The following THSD7A variants were observed in gnomAD, a reference collection of about 807,000 sequenced individuals.
The protein encoded by THSD7A is thrombospondin type 1 domain containing 7A, also known as thrombospondin type-1 domain-containing protein 7A.
In THSD7A, 96 loss-of-function variants were observed where a neutral mutation model predicts 231.3. The ratio of observed to expected loss-of-function variants is 0.41; its 90% CI spans 0.35 to 0.49. The LOEUF (loss-of-function observed/expected upper bound fraction) is 0.49. Among genes scored for constraint, THSD7A ranks in the 20% least tolerant of loss-of-function variants. THSD7A has a pLI of 0.05. For synonymous variants in THSD7A, 940 were observed against 743.3 expected (o/e 1.26, Z -4.30); for missense variants, 2,290 against 2,070.2 (o/e 1.11, Z -2.06).
At position 11,428,961 on chromosome 7, in the gene THSD7A, C is replaced by T. The variant is rs756022678; in HGVS notation, c.3229G>A (p.Asp1077Asn). 1.2e-6 allele frequency: 2 copies of T among 1,607,134 alleles called. No homozygotes were observed. Among genetic ancestry groups the T allele is most frequent in the Admixed American group, 1.7e-5 (1 of 58,724 alleles). Residue 1077 changes from aspartate (D) to asparagine (N), a missense_variant, in exon 14 of 28, where the codon GAC becomes AAC. By Grantham distance (23) the Asp-to-Asn change is conservative. Transcript: ENST00000423059. ...ATAGAAAATACCTGGTTGACATGGT[C>T]CAGTTTGGGGCAAGGCCTTCCTCCA... Reference protein sequence around the residue: ...YNGGRPCPKLDHVNQAQVYEV... With the variant: ...YNGGRPCPKLNHVNQAQVYEV...
intron 1 of THSD7A, among the ~76,000 whole-genome samples, chr7:11,665,919 C>G (rs1161900946): frequency 6.6e-6 from 1 of 152,046 alleles, no homozygotes; most frequent in Non-Finnish European, 1.5e-5. Flanking sequence ...CTACAGAGTC[C>G]TCCCCTGCTC....
rs59121982 is a variant in THSD7A at position 11,512,942 on chromosome 7, G to GATATATAT, written c.1822+28469_1822+28476dup. Among the ~76,000 whole-genome samples the GATATATAT allele has an allele frequency of 3.1e-3, 320 of 101,980 alleles. 29 individuals are homozygous for GATATATAT. Among genetic ancestry groups the GATATATAT allele is most frequent in the African/African-American group, 7.0e-3 (152 of 21,628 alleles). 66.9% of individuals were successfully genotyped at this position (101,980 alleles called of 152,430 possible). A position where few individuals can be genotyped will look rare whatever the true frequency, so the allele number is the denominator to read the frequency against. On this transcript the variant is annotated intron_variant, in intron 6 of 27. Transcript: ENST00000423059. ...TAAAGTATAATAAAAAAGAAACTAT[G>GATATATAT]ATATATATATATATATATGTAAAAT...
intron 4 of THSD7A, among the ~76,000 whole-genome samples, chr7:11,589,605 G>C (rs947254733): frequency 6.6e-5 from 10 of 152,084 alleles, no homozygotes; most frequent in Admixed American, 4.6e-4. Context: ...ATCTGTATTG[G>C]TATTTCTATC....
chr7:11,390,346 T>C (rs1364341544), intron 23 of THSD7A, among the ~76,000 whole-genome samples: 1 of 152,262 alleles, frequency 6.6e-6, no homozygotes, highest in Non-Finnish European at 1.5e-5. Flanking sequence ...CTTTATTTCA[T>C]TAAGTTGATC....
intron 19 of THSD7A, 87 bp from the exon 20 acceptor site, chr7:11,407,510 G>C (rs1380163090): frequency 9.6e-6 from 9 of 939,694 alleles, no homozygotes; most frequent in Non-Finnish European, 1.1e-5. Flanking sequence ...AGAGAAGGAG[G>C]GAGAAAAAGC....
chr7:11,485,313 AGGCAGGT>A lies in THSD7A; in HGVS notation c.1823-3338_1823-3332del, dbSNP rs1388199406. Among the ~76,000 whole-genome samples, 6 of 152,292 alleles carry A rather than the reference AGGCAGGT, an allele frequency of 3.9e-5. No homozygotes were observed. The South Asian group carries it at 1.2e-3, about 32-fold the overall frequency. On this transcript the variant is annotated intron_variant, in intron 6 of 27. Coordinates refer to ENST00000423059, the MANE Select transcript of THSD7A (RefSeq NM_015204.3). ...GATTAGAACCAGATTGTCTCTTGAC[AGGCAGGT>A]ATGTAAAACAAATTCATCTGGACTT... is the stretch of plus-strand genomic sequence containing the variant.
intron 6 of THSD7A, among the ~76,000 whole-genome samples, chr7:11,498,891 G>A (rs543756057): frequency 3.2e-4 from 49 of 152,114 alleles, no homozygotes; most frequent in Non-Finnish European, 5.9e-4. Context: ...CAGCCCTATG[G>A]AAAAGTGGCC....
intron 6 of THSD7A, among the ~76,000 whole-genome samples, chr7:11,539,972 T>C (rs1186675941): frequency 6.6e-6 from 1 of 152,180 alleles, no homozygotes; most frequent in Non-Finnish European, 1.5e-5. Flanking sequence ...CCTGACTGTT[T>C]TTACAGCAAT....
intron 1 of THSD7A, among the ~76,000 whole-genome samples, chr7:11,818,552 A>G (rs1213178112): frequency 6.6e-6 from 1 of 152,210 alleles, no homozygotes; most frequent in Non-Finnish European, 1.5e-5. Context: ...GCTTCAGCAC[A>G]GTGGACCTTC....
intron 6 of THSD7A, chr7:11,520,277 T>C (rs1268490644): frequency 6.6e-6 from 1 of 152,208 alleles, no homozygotes; most frequent in Admixed American, 6.5e-5. Context: ...GCTAGTTCTT[T>C]GTCTGCAAAA....
intron 8 of THSD7A, among the ~76,000 whole-genome samples, chr7:11,471,351 A>T (rs904400520): frequency 6.6e-6 from 1 of 152,020 alleles, no homozygotes; most frequent in African/African-American, 2.4e-5. Flanking sequence ...TTGTAGCTCA[A>T]GTTTGTCTTT....
intron 1 of THSD7A, among the ~76,000 whole-genome samples, chr7:11,813,200 G>A (rs1474120959): frequency 2.0e-5 from 3 of 151,992 alleles, no homozygotes; most frequent in South Asian, 2.1e-4. Flanking sequence ...TTCACTATGC[G>A]ATCAGATTAA....
rs148671485 is a variant in THSD7A, at chr7:11,679,420, C to A, written c.191-42459G>T. The stretch of plus-strand genomic sequence containing the variant: ...TCGGAAGTCAAATTATCTCTGTTTT[C>A]AGATGACTTGATTGGATATTTAGAA... On this transcript the variant is annotated intron_variant, in intron 1 of 27. Coordinates refer to ENST00000423059, the MANE Select transcript of THSD7A (RefSeq NM_015204.3). Among the ~76,000 whole-genome samples the A allele has an allele frequency of 2.7e-3, 416 of 152,260 alleles. 5 individuals carry two copies. Among genetic ancestry groups the A allele is most frequent in the East Asian group, 0.015 (77 of 5,176 alleles).
At chr7:11,379,032 T>A in intron 26 of THSD7A, 38 bp downstream of exon 26, 1 of 1,602,626 alleles carries the variant, frequency 6.2e-7, no homozygotes, top group South Asian at 1.1e-5. Flanking sequence ...CTAAAAGAAC[T>A]AAAGGTTTCT....
At chr7:11,585,179 T>C (rs1363542662) in intron 4 of THSD7A, among the ~76,000 whole-genome samples, 1 of 152,214 alleles carries the variant, frequency 6.6e-6, no homozygotes, top group Non-Finnish European at 1.5e-5. Flanking sequence ...TTACATTACC[T>C]CTGGGTAGAC....
intron 1 of THSD7A, among the ~76,000 whole-genome samples, chr7:11,800,384 A>G (rs1784242314): frequency 6.6e-6 from 1 of 152,088 alleles, no homozygotes; most frequent in African/African-American, 2.4e-5. Flanking sequence ...CCCTGTCTCC[A>G]CTAAAAATAC....
At chr7:11,511,765 C>T (rs1787819252) in intron 6 of THSD7A, among the ~76,000 whole-genome samples, 1 of 152,182 alleles carries the variant, frequency 6.6e-6, no homozygotes. Flanking sequence ...CTTCCTTAAA[C>T]CTTATACAAA....
At chr7:11,530,086 A>G (rs1006970084) in intron 6 of THSD7A, among the ~76,000 whole-genome samples, 3 of 152,200 alleles carry the variant, frequency 2.0e-5, no homozygotes, top group Non-Finnish European at 4.4e-5. Context: ...CAGTGCTGCA[A>G]TGACCGGTCT....
intron 4 of THSD7A, among the ~76,000 whole-genome samples, chr7:11,567,777 A>C (rs62434502): frequency 0.017 from 2,598 of 152,296 alleles, 35 homozygotes; most frequent in Non-Finnish European, 0.025. Flanking sequence ...ATTCACCACA[A>C]GTCAGACCAG....
Sources: gnomAD v4.1 joint callset for allele counts (sites outside exome capture counted in the v4.1 genomes callset) on GRCh38, gnomAD v4.1.1 for gene constraint, MANE v1.5 for transcripts, NCBI Gene and HGNC (gene_info 2026-07-23, HGNC 2026-07-21) for gene names.